The following KCNJ12 variants were observed in gnomAD, a reference collection of about 807,000 sequenced individuals.
KCNJ12 encodes ATP-sensitive inward rectifier potassium channel 12.
A neutral mutation model predicts 22.3 loss-of-function variants in KCNJ12; 2 were observed. The observed-to-expected ratio is 0.09, with a 90% CI of 0.04 to 0.28. KCNJ12 has a LOEUF of 0.28. KCNJ12 is among the 10% of genes least tolerant of loss of function. The pLI is 1.00. For missense variants in KCNJ12, 155 were observed against 633.3 expected (o/e 0.24, Z 8.11); for synonymous variants, 117 against 261.4 (o/e 0.45, Z 5.33).
intron 1 of KCNJ12, among the ~76,000 whole-genome samples, chr17:21,393,409 C>T (rs1905257669): frequency 6.6e-6 from 1 of 152,058 alleles, no homozygotes; most frequent in Non-Finnish European, 1.5e-5. Flanking sequence ...ACACCCTGCC[C>T]CACTGCTAGA....
Position 21,396,582 on chromosome 17 carries a change from TG to T in KCNJ12, c.-178-11935del, listed in dbSNP as rs142253894. On this transcript the variant is annotated intron_variant, in intron 1 of 2. Coordinates refer to ENST00000583088, the MANE Select transcript of KCNJ12 (RefSeq NM_021012.5). ...GGTTCGCACCGGTCTCAGGAGCCAG[TG>T]GTTATGGGATGCCCGGTGTGGGTAT... Among the ~76,000 whole-genome samples, 173 of 151,954 alleles carry T rather than the reference TG, an allele frequency of 1.1e-3. 2 individuals are homozygous for T. In the East Asian group the frequency reaches 0.031, roughly 27 times the overall value.
At chr17:21,391,768 G>A (rs1346207764) in intron 1 of KCNJ12, among the ~76,000 whole-genome samples, 1 of 152,184 alleles carries the variant, frequency 6.6e-6, no homozygotes, top group Admixed American at 6.5e-5. Flanking sequence ...GATCCTACAT[G>A]GTCAGAACTG....
At chr17:21,401,270 A>C (rs1170950664) in intron 1 of KCNJ12, among the ~76,000 whole-genome samples, 1 of 152,206 alleles carries the variant, frequency 6.6e-6, no homozygotes, top group African/African-American at 2.4e-5. Flanking sequence ...GTAGGGGAGA[A>C]GTGGTCGGGG....
intron 1 of KCNJ12, among the ~76,000 whole-genome samples, chr17:21,384,864 C>T (rs1905024061): frequency 6.6e-6 from 1 of 151,776 alleles, no homozygotes; most frequent in Non-Finnish European, 1.5e-5. Context: ...TCTCCGCCTC[C>T]CGGGTTCACG....
At chr17:21,396,956 C>T (rs551934917) in intron 1 of KCNJ12, among the ~76,000 whole-genome samples, 1 of 152,218 alleles carries the variant, frequency 6.6e-6, no homozygotes, top group South Asian at 2.1e-4. Context: ...TTGGAGCACA[C>T]TGTCCATCAA....
At chr17:21,407,954 C>T (rs1396351580) in intron 1 of KCNJ12, among the ~76,000 whole-genome samples, 19 of 151,410 alleles carry the variant, frequency 1.3e-4, no homozygotes, top group African/African-American at 4.6e-4. Flanking sequence ...ATCCACCTAC[C>T]CATTCATCCC....
At chr17:21,396,434 C>A (rs1465659179) in intron 1 of KCNJ12, among the ~76,000 whole-genome samples, 4 of 152,182 alleles carry the variant, frequency 2.6e-5, no homozygotes, top group Admixed American at 2.6e-4. Flanking sequence ...CAGGTCCTGC[C>A]AGGCAGCAAG....
chr17:21,384,804 A>G (rs1374505536), intron 1 of KCNJ12, among the ~76,000 whole-genome samples: 1 of 127,684 alleles, frequency 7.8e-6, no homozygotes, highest in Non-Finnish European at 1.6e-5. Flanking sequence ...ACGGAGTCTC[A>G]CTCTGTCGCC....
chr17:21,401,330 C>T (rs1284012261), intron 1 of KCNJ12, among the ~76,000 whole-genome samples: 2 of 152,278 alleles, frequency 1.3e-5, no homozygotes, highest in Non-Finnish European at 2.9e-5. Context: ...GTGAAATGCC[C>T]AGGCCAGGCA....
At chr17:21,381,056 G>T (rs1904848244) in intron 1 of KCNJ12, among the ~76,000 whole-genome samples, 1 of 152,206 alleles carries the variant, frequency 6.6e-6, no homozygotes. Flanking sequence ...CCATTTGCTT[G>T]GCCAGATAGG....
intron 1 of KCNJ12, among the ~76,000 whole-genome samples, chr17:21,406,641 CA>C (rs1905955754): frequency 6.6e-6 from 1 of 152,308 alleles, no homozygotes; most frequent in Admixed American, 6.5e-5. Flanking sequence ...GTGACTCACT[CA>C]AGGTCACACA....
At chr17:21,412,107 T>C (rs1384279143) in intron 2 of KCNJ12, among the ~76,000 whole-genome samples, 58 of 152,406 alleles carry the variant, frequency 3.8e-4, no homozygotes, top group African/African-American at 1.4e-3. Flanking sequence ...CAACTCTCTC[T>C]TCTGCTCAGT....
chr17:21,394,370 C>T (rs1905283755), intron 1 of KCNJ12, among the ~76,000 whole-genome samples: 2 of 152,218 alleles, frequency 1.3e-5, no homozygotes, highest in Non-Finnish European at 2.9e-5. Context: ...GGCTCCATCA[C>T]ACAACCTGGG....
intron 1 of KCNJ12, among the ~76,000 whole-genome samples, chr17:21,393,273 GC>G (rs1905254212): frequency 6.6e-6 from 1 of 152,162 alleles, no homozygotes; most frequent in Non-Finnish European, 1.5e-5. Flanking sequence ...GACCCATGGT[GC>G]TTTTTTGAGC....
chr17:21,395,332 T>C (rs1486121063), intron 1 of KCNJ12, among the ~76,000 whole-genome samples: 8 of 142,680 alleles, frequency 5.6e-5, no homozygotes, highest in African/African-American at 2.1e-4. Context: ...CAGTGACTCA[T>C]GCCTGTAATC....
At chr17:21,410,112 G>A (rs1597578518) in intron 2 of KCNJ12, among the ~76,000 whole-genome samples, 2 of 152,098 alleles carry the variant, frequency 1.3e-5, no homozygotes, top group African/African-American at 4.8e-5. Context: ...ACACGTCTTT[G>A]CCTCCCACTC....
chr17:21,408,448 TCTTA>T (rs1906112065), intron 1 of KCNJ12, 67 bp from the exon 2 acceptor site: 3 of 152,266 alleles, frequency 2.0e-5, no homozygotes. Context: ...TGTGGTTATG[TCTTA>T]CTTGTGAGCC....
At chr17:21,407,443 C>A (rs1906020891) in intron 1 of KCNJ12, among the ~76,000 whole-genome samples, 1 of 152,276 alleles carries the variant, frequency 6.6e-6, no homozygotes, top group Non-Finnish European at 1.5e-5. Context: ...ACCCACCCAT[C>A]CACCCAGCCA....
At chr17:21,395,406 C>G (rs1428633714) in intron 1 of KCNJ12, among the ~76,000 whole-genome samples, 1 of 151,048 alleles carries the variant, frequency 6.6e-6, no homozygotes, top group Non-Finnish European at 1.5e-5. Context: ...AGCAACCTGG[C>G]TGACATGGCA....
Sources: allele counts gnomAD v4.1 joint callset (sites outside exome capture counted in the v4.1 genomes callset), GRCh38; gene constraint gnomAD v4.1.1; transcripts MANE v1.5; gene names NCBI Gene and HGNC (gene_info 2026-07-23, HGNC 2026-07-21).